Variants in CPAP observed in about 807,000 individuals in gnomAD.
The protein encoded by CPAP is centrosomal P4.1-associated protein.
the CPAP span, among the ~76,000 whole-genome samples, chr13:24,913,817 A>T: frequency 6.6e-6 from 1 of 152,278 alleles, no homozygotes; most frequent in Non-Finnish European, 1.5e-5. Flanking sequence ...GGCTCATGCC[A>T]TAACTCTGTA....
the CPAP span, among the ~76,000 whole-genome samples, chr13:24,901,179 G>A: frequency 2.6e-5 from 4 of 152,298 alleles, no homozygotes; most frequent in Admixed American, 6.5e-5. Context: ...AATGTCGACC[G>A]TGTGCACACA....
the CPAP span, among the ~76,000 whole-genome samples, chr13:24,894,952 T>C: frequency 7.3e-5 from 11 of 151,680 alleles, no homozygotes; most frequent in Admixed American, 7.2e-4. Flanking sequence ...ACCTGCGGGG[T>C]GAAGCCAGCA....
At chr13:24,918,687 T>C in the CPAP span, among the ~76,000 whole-genome samples, 1 of 152,214 alleles carries the variant, frequency 6.6e-6, no homozygotes, top group Non-Finnish European at 1.5e-5. Context: ...ATTTATGTTT[T>C]GTGTCTAAAA....
chr13:24,912,973 G>A, the CPAP span: 1 of 1,614,172 alleles, frequency 6.2e-7, no homozygotes, highest in South Asian at 1.1e-5. Context: ...CATCCACTGG[G>A]TTAGGAAGTT....
At chr13:24,903,944 C>T in the CPAP span, 2 of 1,614,124 alleles carry the variant, frequency 1.2e-6, no homozygotes, top group Non-Finnish European at 1.7e-6. Context: ...TTCCAAGGCA[C>T]TTTCTCGTTC....
the CPAP span, chr13:24,925,988 A>T: frequency 1.3e-5 from 2 of 152,544 alleles, no homozygotes; most frequent in African/African-American, 4.8e-5. Flanking sequence ...AAGCAGCTCC[A>T]GCTGTTTGCC....
the CPAP span, chr13:24,924,754 C>G: frequency 6.6e-6 from 1 of 152,198 alleles, no homozygotes; most frequent in African/African-American, 2.4e-5. Context: ...AGAGGGCACT[C>G]CTATGTCATG....
At chr13:24,910,041 G>A in the CPAP span, 1 of 1,613,680 alleles carries the variant, frequency 6.2e-7, no homozygotes, top group Admixed American at 1.7e-5. Context: ...GGTATTTCCT[G>A]GAGACCTGTG....
At chr13:24,892,131 C>T in the CPAP span, among the ~76,000 whole-genome samples, 2 of 152,174 alleles carry the variant, frequency 1.3e-5, no homozygotes, top group Admixed American at 6.5e-5. Flanking sequence ...TATTGCTGTA[C>T]CCCAAGCACC....
At chr13:24,889,224 CATTT>C in the CPAP span, 41 of 923,776 alleles carry the variant, frequency 4.4e-5, no homozygotes, top group African/African-American at 2.0e-4. Flanking sequence ...TGTTCAAAAA[CATTT>C]ATTAAGAAAT....
At chr13:24,911,050 A>G in the CPAP span, among the ~76,000 whole-genome samples, 6 of 152,230 alleles carry the variant, frequency 3.9e-5, no homozygotes, top group East Asian at 3.8e-4. Flanking sequence ...ATTTCTTAAA[A>G]GAAGCAAACA....
At chr13:24,911,641 A>G in the CPAP span, among the ~76,000 whole-genome samples, 60 of 151,446 alleles carry the variant, frequency 4.0e-4, no homozygotes, top group African/African-American at 1.4e-3. Context: ...GGCTCAAGCA[A>G]TCCTCCCACC....
At chr13:24,899,685 A>T in the CPAP span, 2 of 875,258 alleles carry the variant, frequency 2.3e-6, no homozygotes, top group Non-Finnish European at 1.9e-6. Context: ...TAGTGAATTC[A>T]TCTTCAATCC....
the CPAP span, among the ~76,000 whole-genome samples, chr13:24,920,784 C>CTT: frequency 4.3e-3 from 602 of 140,182 alleles, 2 homozygotes; most frequent in African/African-American, 0.013. Context: ...CCATACCTGG[C>CTT]TTTTTTTTTT....
the CPAP span, among the ~76,000 whole-genome samples, chr13:24,894,977 G>C: frequency 6.6e-6 from 1 of 152,178 alleles, no homozygotes; most frequent in African/African-American, 2.4e-5. Flanking sequence ...TGGCTGGCGG[G>C]TGGGATCCGC....
the CPAP span, among the ~76,000 whole-genome samples, chr13:24,923,536 C>A: frequency 6.6e-6 from 1 of 152,054 alleles, no homozygotes; most frequent in Non-Finnish European, 1.5e-5. Context: ...TGTTTTGTTT[C>A]GTTTTAACTG....
chr13:24,898,693 T>C, the CPAP span, among the ~76,000 whole-genome samples: 1 of 151,984 alleles, frequency 6.6e-6, no homozygotes, highest in African/African-American at 2.4e-5. Flanking sequence ...CGTGTGCAGG[T>C]GAGATTGCTC....
chr13:24,908,061 G>A, the CPAP span: 1 of 1,612,958 alleles, frequency 6.2e-7, no homozygotes, highest in South Asian at 1.1e-5. Context: ...TCATGTTTTT[G>A]TAAGTTCTTA....
At chr13:24,883,295 T>C in the CPAP span, 1 of 1,614,010 alleles carries the variant, frequency 6.2e-7, no homozygotes, top group East Asian at 2.2e-5. Context: ...GCCATCTGGG[T>C]ATTCCCGTCT....
Sources: allele counts gnomAD v4.1 joint callset (sites outside exome capture counted in the v4.1 genomes callset), GRCh38; gene constraint gnomAD v4.1.1; transcripts MANE v1.5; gene names NCBI Gene and HGNC (gene_info 2026-07-23, HGNC 2026-07-21).